The following JPH3 variants were observed in gnomAD, a reference collection of about 807,000 sequenced individuals.
The protein encoded by JPH3 is junctophilin 3.
JPH3 carries 11 observed loss-of-function variants against 59.6 expected under a neutral mutation model. The ratio of observed to expected loss-of-function variants is 0.18; its 90% CI spans 0.12 to 0.31. The LOEUF is 0.31. Among genes scored for constraint, JPH3 ranks in the 10% least tolerant of loss-of-function variants. The pLI is 1.00. For synonymous variants in JPH3, 673 were observed against 483.6 expected, an observed-to-expected ratio of 1.39 and a Z score of -5.14; for missense variants, 1,202 against 1,105.7, an observed-to-expected ratio of 1.09 and a Z score of -1.24.
rs35304352 is a variant in JPH3 at position 87,644,796 on chromosome 16, C to T, written c.921C>T (p.Asp307=). ...RSGFGVSQRS[D]GLKYEGEWAS... is the part of the protein sequence containing the mutation. Reference sequence around the variant, plus strand: ...GCTTCGGCGTGAGCCAGCGCTCGGACGGGCTCAAGTACGAGGGCGAGTGGG... The same window carrying T: ...GCTTCGGCGTGAGCCAGCGCTCGGATGGGCTCAAGTACGAGGGCGAGTGGG... The change falls in exon 2 of 5, where the codon GAC becomes GAT. Residue 307 remains aspartate, a synonymous_variant. Transcript: ENST00000284262. 5.7e-3 allele frequency: 9,178 copies of T among 1,613,306 alleles called. 311 individuals carry two copies. The African/African-American group carries it at 0.085, about 15-fold the overall frequency.
At chr16:87,608,034 G>T (rs1266856545) in intron 1 of JPH3, among the ~76,000 whole-genome samples, 2 of 152,404 alleles carry the variant, frequency 1.3e-5, no homozygotes, top group East Asian at 3.9e-4. Context: ...CCGTGAGGCC[G>T]TTTGATGGGC....
At chr16:87,610,402 G>T (rs181189995) in intron 1 of JPH3, among the ~76,000 whole-genome samples, 1 of 152,362 alleles carries the variant, frequency 6.6e-6, no homozygotes, top group East Asian at 1.9e-4. Flanking sequence ...CTGGTCTGGA[G>T]TGTAAGTTCC....
rs184091037 is a variant in JPH3, at chr16:87,659,655, C to T, written c.1160+14620C>T. ...GGTTGAGGCAGGAGAATTGCTTGAA[C>T]GCAGGAGACGAAGGTTGCAGTAAGC... On this transcript the variant is annotated intron_variant, in intron 2 of 4. Transcript: ENST00000284262. 2.0e-3 allele frequency among the ~76,000 whole-genome samples: 301 copies of T among 151,978 alleles called. 1 individual carries two copies. Among genetic ancestry groups the T allele is most frequent in the Middle Eastern group, 3.4e-3 (1 of 294 alleles).
At chr16:87,669,098 G>A (rs1047253797) in intron 2 of JPH3, among the ~76,000 whole-genome samples, 2 of 152,196 alleles carry the variant, frequency 1.3e-5, no homozygotes, top group African/African-American at 2.4e-5. Context: ...GAGGCGTGGC[G>A]GGCCTTCCCT....
intron 2 of JPH3, among the ~76,000 whole-genome samples, chr16:87,662,495 T>C (rs1424060644): frequency 6.6e-6 from 1 of 151,448 alleles, no homozygotes; most frequent in Non-Finnish European, 1.5e-5. Flanking sequence ...TGGAATTGGG[T>C]GTAGTGTCCT....
At chr16:87,659,477 A>C (rs193254680) in intron 2 of JPH3, among the ~76,000 whole-genome samples, 77 of 151,600 alleles carry the variant, frequency 5.1e-4, no homozygotes, top group Non-Finnish European at 8.4e-4. Context: ...TAATCCCAGC[A>C]CTGGGAGGTT....
At chr16:87,677,342 C>T (rs2033178239) in intron 2 of JPH3, among the ~76,000 whole-genome samples, 1 of 152,012 alleles carries the variant, frequency 6.6e-6, no homozygotes, top group Non-Finnish European at 1.5e-5. Flanking sequence ...GTGATCATGC[C>T]ACTGTACTGC....
chr16:87,688,931 G>A (rs146107848), intron 3 of JPH3, among the ~76,000 whole-genome samples: 21 of 152,280 alleles, frequency 1.4e-4, no homozygotes, highest in Non-Finnish European at 2.8e-4. Flanking sequence ...GAGAAGTCTC[G>A]GGGCTAGTCC....
chr16:87,665,670 C>T (rs941992646), intron 2 of JPH3, among the ~76,000 whole-genome samples: 12 of 152,202 alleles, frequency 7.9e-5, no homozygotes, highest in African/African-American at 2.9e-4. Context: ...GGGAGCAGGC[C>T]TAGGAGAGGC....
Position 87,690,250 on chromosome 16 carries a change from C to G in JPH3, c.1890C>G (p.Tyr630Ter). 6.2e-7 allele frequency: 1 copy of G among 1,604,482 alleles called. No individual in the cohort carries two copies. The highest frequency in any genetic ancestry group is 8.5e-7 in the Non-Finnish European group (1 of 1,176,010). ...AGACGCATCCCCAGAAAAGACGCTA[C>G]AGCAAGGGCGGCGCCTGCCGGGGCT... ...RMETHPQKRR[Y>*]SKGGACRGLG... The change falls in exon 4 of 5, where the codon TAC becomes TAG. Residue 630 changes from tyrosine to a stop codon, truncating the protein, a stop_gained. Coordinates refer to ENST00000284262, the MANE Select transcript of JPH3 (RefSeq NM_020655.4). LOFTEE classifies it high-confidence loss of function.
chr16:87,646,751 C>T (rs184235891), intron 2 of JPH3, among the ~76,000 whole-genome samples: 1 of 152,074 alleles, frequency 6.6e-6, no homozygotes, highest in African/African-American at 2.4e-5. Flanking sequence ...TGAGGAAGCT[C>T]GTGGCAGCTT....
In JPH3 at chr16:87,605,469, G is replaced by A. The variant is rs568611167; in HGVS notation, c.382+1941G>A. Among the ~76,000 whole-genome samples the A allele has an allele frequency of 2.0e-5, 3 of 152,318 alleles. No individual in the cohort carries two copies. The East Asian group carries it at 5.8e-4, about 29-fold the overall frequency. On this transcript the variant is annotated intron_variant, in intron 1 of 4. Coordinates refer to ENST00000284262, the MANE Select transcript of JPH3 (RefSeq NM_020655.4). ...CTGAGCAAAGCAGACACAGATCTTTGCCCTCACGGAGCTTACATTTGAGGG... is the reference window on the plus strand; with the variant it reads ...CTGAGCAAAGCAGACACAGATCTTTACCCTCACGGAGCTTACATTTGAGGG...
At chr16:87,652,197 G>A (rs533917231) in intron 2 of JPH3, among the ~76,000 whole-genome samples, 29 of 152,124 alleles carry the variant, frequency 1.9e-4, no homozygotes, top group Admixed American at 1.1e-3. Flanking sequence ...GGATGGTCTC[G>A]ATCTCCTGAC....
chr16:87,655,613 A>G (rs547965273), intron 2 of JPH3, among the ~76,000 whole-genome samples: 2 of 152,318 alleles, frequency 1.3e-5, no homozygotes, highest in South Asian at 2.1e-4. Flanking sequence ...TCAGCCTCCC[A>G]AAGTGCTGGG....
chr16:87,684,498 C>T (rs1224546799), intron 3 of JPH3: 2 of 592,048 alleles, frequency 3.4e-6, no homozygotes, highest in Non-Finnish European at 5.9e-6. Context: ...CCCATTCCCA[C>T]AGTCCTTGGG....
chr16:87,645,369 T>C (rs1202974893), intron 2 of JPH3, among the ~76,000 whole-genome samples: 2 of 152,228 alleles, frequency 1.3e-5, no homozygotes, highest in Non-Finnish European at 2.9e-5. Context: ...GTTAGTACAA[T>C]GCATTGGAGT....
At chr16:87,681,531 C>T (rs1300428538) in intron 2 of JPH3, among the ~76,000 whole-genome samples, 3 of 131,396 alleles carry the variant, frequency 2.3e-5, no homozygotes, top group African/African-American at 6.0e-5. Context: ...CAGGTGCGCG[C>T]GGTCGTGACA....
intron 1 of JPH3, among the ~76,000 whole-genome samples, chr16:87,627,400 A>C (rs1442842475): frequency 1.3e-5 from 2 of 152,232 alleles, no homozygotes; most frequent in African/African-American, 4.8e-5. Flanking sequence ...AGGCCTCTGC[A>C]TGCTCACAGG....
intron 1 of JPH3, among the ~76,000 whole-genome samples, chr16:87,624,825 G>A (rs2150831336): frequency 6.6e-6 from 1 of 152,292 alleles, no homozygotes; most frequent in South Asian, 2.1e-4. Context: ...TTGAGACAGA[G>A]TTTCACTCTT....
Sources: gnomAD v4.1 joint callset for allele counts (sites outside exome capture counted in the v4.1 genomes callset) on GRCh38, gnomAD v4.1.1 for gene constraint, MANE v1.5 for transcripts, NCBI Gene and HGNC (gene_info 2026-07-23, HGNC 2026-07-21) for gene names.